The following LDLRAD4 variants were observed in gnomAD, a reference collection of about 807,000 sequenced individuals.
The protein encoded by LDLRAD4 is low-density lipoprotein receptor class A domain-containing protein 4.
Under a neutral mutation model 17.0 loss-of-function variants are expected in LDLRAD4, and 5 were observed. That is an observed-to-expected ratio of 0.29 (90% CI 0.15 to 0.62). The LOEUF (loss-of-function observed/expected upper bound fraction) is 0.62, where lower values mean the gene tolerates loss of function less well. Among genes scored for constraint, LDLRAD4 ranks in the 20% least tolerant of loss-of-function variants. The probability of loss-of-function intolerance (pLI) is 0.84; values close to 1 mark genes in which losing one functional copy is unlikely to be tolerated. For synonymous variants in LDLRAD4, 168 were observed against 171.8 expected (o/e 0.98, Z 0.17); for missense variants, 340 against 424.7 (o/e 0.80, Z 1.75).
intron 1 of LDLRAD4, among the ~76,000 whole-genome samples, chr18:13,363,133 A>G (rs1286228506): frequency 6.6e-6 from 1 of 152,026 alleles, no homozygotes; most frequent in Non-Finnish European, 1.5e-5. Flanking sequence ...GATTGAGACC[A>G]TCCTGGCTAC....
chr18:13,230,981 T>A (rs1300023883), intron 1 of LDLRAD4, among the ~76,000 whole-genome samples: 1 of 152,192 alleles, frequency 6.6e-6, no homozygotes, highest in Non-Finnish European at 1.5e-5. Flanking sequence ...GTGAGATTAT[T>A]TATTCATGCT....
intron 2 of LDLRAD4, among the ~76,000 whole-genome samples, chr18:13,393,080 C>T (rs1033158053): frequency 2.0e-5 from 3 of 152,164 alleles, no homozygotes; most frequent in Non-Finnish European, 2.9e-5. Flanking sequence ...TCAGGAGCAG[C>T]TCCCGGCGTG....
chr18:13,635,833 G>A (rs1270238179), intron 4 of LDLRAD4, among the ~76,000 whole-genome samples: 1 of 152,222 alleles, frequency 6.6e-6, no homozygotes, highest in African/African-American at 2.4e-5. Context: ...GCTCTCCGGA[G>A]CTGCCCTTGG....
chr18:13,650,129 T>A (rs944184167), exon 6 of LDLRAD4: 1 of 398,656 alleles, frequency 2.5e-6, no homozygotes, highest in African/African-American at 2.1e-5. Flanking sequence ...AAAGCACTCT[T>A]AGCCTTGCAG....
rs147444256 is a variant in LDLRAD4, at chr18:13,640,161, C to T, written c.337-3198C>T. The stretch of plus-strand genomic sequence containing the variant: ...AAACAAAATTAGCTGGGTGTGGTGG[C>T]GGGCGCCTGTAGTCCCATCTACTCG... On this transcript the variant is annotated intron_variant, in intron 4 of 5. Transcript: ENST00000359446. 6.5e-3 allele frequency among the ~76,000 whole-genome samples: 981 copies of T among 151,930 alleles called. 8 individuals are homozygous for T. Among genetic ancestry groups the T allele is most frequent in the African/African-American group, 0.023 (933 of 41,428 alleles).
At chr18:13,222,321 C>CT (rs902979099) in intron 1 of LDLRAD4, among the ~76,000 whole-genome samples, 36 of 146,024 alleles carry the variant, frequency 2.5e-4, no homozygotes, top group South Asian at 8.7e-4. Flanking sequence ...CTTTTTCTTC[C>CT]TTTTTTTTTT....
At chr18:13,262,380 A>G (rs1287411974) in intron 1 of LDLRAD4, among the ~76,000 whole-genome samples, 10 of 105,130 alleles carry the variant, frequency 9.5e-5, no homozygotes, top group Admixed American at 1.9e-4. Flanking sequence ...CTGTGCGTGG[A>G]AACTGAGTCC....
At chr18:13,235,785 G>A (rs1008249855) in intron 1 of LDLRAD4, among the ~76,000 whole-genome samples, 1 of 152,170 alleles carries the variant, frequency 6.6e-6, no homozygotes. Context: ...ATCCAGCCCT[G>A]GGGTGGGTTG....
chr18:13,547,990 G>A (rs1273984967), intron 3 of LDLRAD4, among the ~76,000 whole-genome samples: 6 of 152,208 alleles, frequency 3.9e-5, no homozygotes, highest in Non-Finnish European at 7.3e-5. Context: ...CAACTGGAGG[G>A]TGAGCAAGTC....
At chr18:13,531,444 TAAA>T (rs34206198) in intron 3 of LDLRAD4, among the ~76,000 whole-genome samples, 38 of 137,974 alleles carry the variant, frequency 2.8e-4, no homozygotes, top group Non-Finnish European at 2.8e-4. Context: ...ACCCCATATC[TAAA>T]AAAAAAAAAA....
chr18:13,244,676 T>G (rs1193911410), intron 1 of LDLRAD4, among the ~76,000 whole-genome samples: 1 of 152,138 alleles, frequency 6.6e-6, no homozygotes, highest in East Asian at 1.9e-4. Flanking sequence ...ATCAAAAGCT[T>G]AGGCCTCTCC....
intron 2 of LDLRAD4, among the ~76,000 whole-genome samples, chr18:13,404,736 T>G (rs2087566758): frequency 6.6e-6 from 1 of 151,386 alleles, no homozygotes; most frequent in South Asian, 2.1e-4. Context: ...AGGCGGAGCT[T>G]GCAGTGAGCC....
intron 1 of LDLRAD4, among the ~76,000 whole-genome samples, chr18:13,287,808 A>G (rs547886242): frequency 1.3e-5 from 2 of 152,230 alleles, no homozygotes; most frequent in Non-Finnish European, 2.9e-5. Context: ...GCTTCCTACA[A>G]TTTAGAATAA....
intron 3 of LDLRAD4, chr18:13,561,347 TG>T (rs1343436122): frequency 1.3e-5 from 2 of 152,238 alleles, no homozygotes; most frequent in African/African-American, 4.8e-5. Flanking sequence ...TCATAGAATT[TG>T]GGGCTTTTGA....
chr18:13,642,806 T>G (rs1481994093), intron 4 of LDLRAD4: 29 of 1,145,602 alleles, frequency 2.5e-5, no homozygotes, highest in Non-Finnish European at 3.2e-5. Flanking sequence ...TGGCCAGGAG[T>G]TCAACTTTTC....
intron 1 of LDLRAD4, among the ~76,000 whole-genome samples, chr18:13,315,575 G>A (rs1033567342): frequency 1.6e-4 from 25 of 152,084 alleles, no homozygotes; most frequent in African/African-American, 4.8e-4. Context: ...ACCTGAGGTC[G>A]GGAGTTCAAG....
At chr18:13,271,912 T>C (rs976078271) in intron 1 of LDLRAD4, among the ~76,000 whole-genome samples, 55 of 149,742 alleles carry the variant, frequency 3.7e-4, no homozygotes, top group African/African-American at 1.3e-3. Flanking sequence ...TTTTTTTTTT[T>C]TTTTTAAGAC....
intron 3 of LDLRAD4, chr18:13,614,451 A>G (rs982177472): frequency 6.6e-6 from 1 of 152,180 alleles, no homozygotes; most frequent in African/African-American, 2.4e-5. Context: ...CTTTCGTTCT[A>G]CTTGTTGTAC....
At chr18:13,636,819 T>G (rs1490513057) in intron 4 of LDLRAD4, among the ~76,000 whole-genome samples, 1 of 148,358 alleles carries the variant, frequency 6.7e-6, no homozygotes, top group Non-Finnish European at 1.5e-5. Context: ...TTTTTCGAGA[T>G]GGAGTCTCGC....
Sources: gnomAD v4.1 joint callset for allele counts (sites outside exome capture counted in the v4.1 genomes callset) on GRCh38, gnomAD v4.1.1 for gene constraint, MANE v1.5 for transcripts, NCBI Gene and HGNC (gene_info 2026-07-23, HGNC 2026-07-21) for gene names.